SHTN1: variants seen among roughly 807,000 people sequenced by gnomAD.
SHTN1 encodes shootin-1.
In SHTN1, 42 loss-of-function variants were observed where a neutral mutation model predicts 83.1. That is an observed-to-expected ratio of 0.51 (90% confidence interval 0.39 to 0.65). The LOEUF is 0.65. SHTN1 is among the 30% of genes least tolerant of loss of function. The pLI is 0.00. For synonymous variants in SHTN1, 224 were observed against 247.7 expected (o/e 0.90, Z 0.90); for missense variants, 622 against 737.8 (o/e 0.84, Z 1.82).
chr10:116,999,066 G>T (rs1315210241), intron 1 of SHTN1, among the ~76,000 whole-genome samples: 1 of 152,030 alleles, frequency 6.6e-6, no homozygotes, highest in East Asian at 1.9e-4. Flanking sequence ...TGGGCTCAAG[G>T]TATCCTCCTA....
chr10:117,060,185 T>C (rs1852880158), intron 1 of SHTN1, among the ~76,000 whole-genome samples: 1 of 152,144 alleles, frequency 6.6e-6, no homozygotes, highest in Admixed American at 6.5e-5. Context: ...TACATGCCAC[T>C]GCACTCTAGC....
chr10:117,055,183 A>G (rs1373145470), intron 1 of SHTN1, among the ~76,000 whole-genome samples: 1 of 152,164 alleles, frequency 6.6e-6, no homozygotes, highest in Non-Finnish European at 1.5e-5. Flanking sequence ...AGCATGAAGG[A>G]AACCACCCCC....
intron 1 of SHTN1, among the ~76,000 whole-genome samples, chr10:116,994,580 C>G (rs1235800091): frequency 2.0e-5 from 3 of 152,086 alleles, no homozygotes; most frequent in African/African-American, 7.2e-5. Flanking sequence ...CTGTGCTTCA[C>G]ATTGTCTTTA....
At chr10:117,020,296 C>A (rs939144289) in intron 2 of SHTN1, among the ~76,000 whole-genome samples, 1 of 151,332 alleles carries the variant, frequency 6.6e-6, no homozygotes, top group Non-Finnish European at 1.5e-5. Flanking sequence ...TGGAGACCAG[C>A]CTGGCCAACA....
intron 2 of SHTN1, among the ~76,000 whole-genome samples, chr10:117,018,165 G>A (rs1852208290): frequency 1.3e-5 from 2 of 152,146 alleles, no homozygotes; most frequent in African/African-American, 4.8e-5. Context: ...CTCTAGTTTG[G>A]TTAAGAGTAT....
rs542123077 is a variant in SHTN1 at position 117,073,383 on chromosome 10, A to G, written c.-188-24873T>C. 7.4e-4 allele frequency among the ~76,000 whole-genome samples: 113 copies of G among 152,328 alleles called. 2 individuals carry two copies. The South Asian group carries it at 0.022, about 30-fold the overall frequency. The stretch of plus-strand genomic sequence containing the variant: ...TGCATTATTTCATTTAATTCTCATA[A>G]TAACTCTATGAAGTACATACTATTA... On this transcript the variant is annotated intron_variant, in intron 1 of 17. Coordinates refer to the SHTN1 transcript ENST00000392901.
At chr10:116,922,297 A>C (rs1207846193) in intron 11 of SHTN1, among the ~76,000 whole-genome samples, 2 of 152,160 alleles carry the variant, frequency 1.3e-5, no homozygotes, top group Non-Finnish European at 2.9e-5. Flanking sequence ...TAGACAAAAA[A>C]AATCTGATAA....
chr10:117,048,972 T>C (rs1181035622), intron 1 of SHTN1, among the ~76,000 whole-genome samples: 4 of 152,224 alleles, frequency 2.6e-5, no homozygotes, highest in Non-Finnish European at 5.9e-5. Context: ...GCAAGTAACC[T>C]AGCCTTTCGG....
intron 9 of SHTN1, among the ~76,000 whole-genome samples, chr10:116,936,428 T>C (rs1266149533): frequency 2.0e-5 from 3 of 152,180 alleles, no homozygotes; most frequent in African/African-American, 7.2e-5. Context: ...CGTTATTTAC[T>C]CAGTAGTCAT....
intron 2 of SHTN1, among the ~76,000 whole-genome samples, chr10:117,024,570 G>A (rs528748987): frequency 1.3e-4 from 20 of 152,022 alleles, no homozygotes; most frequent in African/African-American, 4.6e-4. Context: ...TTGTTAGCCA[G>A]GATGGTCTCG....
intron 1 of SHTN1, among the ~76,000 whole-genome samples, chr10:117,089,213 G>A (rs574962043): frequency 6.6e-6 from 1 of 152,188 alleles, no homozygotes; most frequent in Non-Finnish European, 1.5e-5. Context: ...TGACAGAAAT[G>A]TTCTAATCTT....
intron 1 of SHTN1, among the ~76,000 whole-genome samples, chr10:117,125,726 G>A (rs1035948541): frequency 6.6e-6 from 1 of 151,968 alleles, no homozygotes; most frequent in Non-Finnish European, 1.5e-5. Flanking sequence ...ATACCTTCTT[G>A]ATCATCTCAG....
chr10:116,973,927 G>T, intron 2 of SHTN1: 3 of 1,279,776 alleles, frequency 2.3e-6, no homozygotes, highest in Non-Finnish European at 3.1e-6. Context: ...CAATTCTACT[G>T]CTCCACCTAT....
chr10:116,980,528 G>A (rs1358295455), intron 1 of SHTN1, among the ~76,000 whole-genome samples: 2 of 147,406 alleles, frequency 1.4e-5, no homozygotes, highest in African/African-American at 5.1e-5. Flanking sequence ...TTGAACTTTT[G>A]CTTTATGGAT....
intron 2 of SHTN1, among the ~76,000 whole-genome samples, chr10:117,044,266 T>C (rs1340759747): frequency 8.0e-6 from 1 of 124,660 alleles, no homozygotes; most frequent in Non-Finnish European, 1.8e-5. Flanking sequence ...TCATTTATAC[T>C]ATTCTATAAT....
At chr10:117,038,366 C>G (rs1852531825) in intron 2 of SHTN1, among the ~76,000 whole-genome samples, 1 of 151,116 alleles carries the variant, frequency 6.6e-6, no homozygotes, top group Non-Finnish European at 1.5e-5. Context: ...TCTTGAATTC[C>G]TGGGCTCAAG....
rs775284620 is a variant in SHTN1, at chr10:116,927,788, T to C, written c.1112+4A>G. The C allele has an allele frequency of 1.9e-6, 3 of 1,563,480 alleles. No individual in the cohort carries two copies. Among genetic ancestry groups the C allele is most frequent in the Non-Finnish European group, 2.6e-6 (3 of 1,157,596 alleles). ...TGCAGAGCAGTCTTCCTGGATGTGC[T>C]TACCGGATAGGATTGGGAGGTGGAG... On this transcript the variant is annotated splice_donor_region_variant and intron_variant, in intron 11 of 16. Coordinates refer to ENST00000355371, the MANE Select transcript of SHTN1 (RefSeq NM_001127211.3).
intron 1 of SHTN1, among the ~76,000 whole-genome samples, chr10:117,116,339 CA>C (rs1853846289): frequency 6.6e-6 from 1 of 152,070 alleles, no homozygotes; most frequent in Non-Finnish European, 1.5e-5. Flanking sequence ...TTCCTGGACA[CA>C]TGCAACCTAC....
intron 7 of SHTN1, among the ~76,000 whole-genome samples, 185 bp downstream of exon 7, chr10:116,948,731 G>A (rs1185863619): frequency 6.6e-6 from 1 of 152,072 alleles, no homozygotes; most frequent in Non-Finnish European, 1.5e-5. Context: ...ACTTTTAGAT[G>A]TCCCCAGACT....
Sources: allele counts gnomAD v4.1 joint callset (sites outside exome capture counted in the v4.1 genomes callset), GRCh38; gene constraint gnomAD v4.1.1; transcripts MANE v1.5; gene names NCBI Gene and HGNC (gene_info 2026-07-23, HGNC 2026-07-21).